LRRTM3: variants seen among roughly 807,000 people sequenced by gnomAD.
LRRTM3 encodes leucine-rich repeat transmembrane neuronal protein 3.
A neutral mutation model predicts 44.7 loss-of-function variants in LRRTM3; 24 were observed. That is an observed-to-expected ratio of 0.54 (90% CI 0.39 to 0.76). The LOEUF (loss-of-function observed/expected upper bound fraction) is 0.76. Among genes scored for constraint, LRRTM3 ranks in the 30% least tolerant of loss-of-function variants. The probability of loss-of-function intolerance (pLI) is 0.00; values close to 1 mark genes in which losing one functional copy is unlikely to be tolerated. For synonymous variants in LRRTM3, 277 were observed against 278.7 expected (o/e 0.99, Z 0.06); for missense variants, 587 against 702.2 (o/e 0.84, Z 1.85).
intron 2 of LRRTM3, chr10:67,054,676 A>G (rs993019369): frequency 1.3e-5 from 2 of 152,094 alleles, no homozygotes; most frequent in African/African-American, 4.8e-5. Flanking sequence ...AAAGTGGGAG[A>G]GGCACTAAGA....
intron 2 of LRRTM3, among the ~76,000 whole-genome samples, chr10:67,074,572 G>A (rs943458392): frequency 1.8e-4 from 27 of 151,734 alleles, no homozygotes; most frequent in East Asian, 5.9e-4. Flanking sequence ...GGATGGTCTC[G>A]ATCTCCTGAC....
chr10:67,000,059 A>G (rs1304025803), intron 2 of LRRTM3, among the ~76,000 whole-genome samples: 1 of 152,214 alleles, frequency 6.6e-6, no homozygotes. Context: ...GCTTTAGTAT[A>G]CATGGAAATG....
At chr10:66,950,036 C>A (rs762982920) in intron 2 of LRRTM3, among the ~76,000 whole-genome samples, 15 of 152,184 alleles carry the variant, frequency 9.9e-5, no homozygotes, top group Non-Finnish European at 2.1e-4. Context: ...TATGCAATTA[C>A]TCTTAATACC....
At chr10:67,037,744 G>T (rs1267402515) in intron 2 of LRRTM3, among the ~76,000 whole-genome samples, 1 of 152,136 alleles carries the variant, frequency 6.6e-6, no homozygotes, top group African/African-American at 2.4e-5. Context: ...AGAGGAGGAG[G>T]AATCAAGAAT....
chr10:67,056,340 TA>T (rs1855427350), intron 2 of LRRTM3, among the ~76,000 whole-genome samples: 1 of 152,194 alleles, frequency 6.6e-6, no homozygotes, highest in African/African-American at 2.4e-5. Context: ...CAGTTACTTC[TA>T]TGCATAATTG....
chr10:67,016,023 GTA>G (rs1852636213), intron 2 of LRRTM3, among the ~76,000 whole-genome samples: 1 of 133,652 alleles, frequency 7.5e-6, no homozygotes, highest in Admixed American at 8.4e-5. Flanking sequence ...TTTTATTGCT[GTA>G]TACTCTCTTC....
intron 2 of LRRTM3, among the ~76,000 whole-genome samples, chr10:67,044,794 C>A (rs1198223638): frequency 6.6e-6 from 1 of 152,160 alleles, no homozygotes; most frequent in Non-Finnish European, 1.5e-5. Context: ...GTGGAAAGAT[C>A]ATGGTCTTTG....
chr10:67,038,118 T>A (rs1251507680), intron 2 of LRRTM3, among the ~76,000 whole-genome samples: 1 of 152,126 alleles, frequency 6.6e-6, no homozygotes, highest in East Asian at 1.9e-4. Context: ...TTTATATGAG[T>A]ATTGTAGAGC....
intron 2 of LRRTM3, 24 bp downstream of exon 2, chr10:66,928,476 A>G (rs1396802336): frequency 1.3e-6 from 2 of 1,549,468 alleles, no homozygotes; most frequent in East Asian, 2.3e-5. Context: ...TGATAAAAAG[A>G]GCTCTTAAAA....
At chr10:66,952,112 A>C (rs771432107) in intron 2 of LRRTM3, among the ~76,000 whole-genome samples, 27 of 152,148 alleles carry the variant, frequency 1.8e-4, no homozygotes, top group Non-Finnish European at 3.8e-4. Context: ...TCCCCCCAAT[A>C]TTTTTAAGCA....
intron 2 of LRRTM3, among the ~76,000 whole-genome samples, chr10:66,985,578 C>T (rs537458073): frequency 9.2e-5 from 14 of 152,158 alleles, no homozygotes; most frequent in South Asian, 2.1e-4. Context: ...GGCAGACCAA[C>T]GACAGAGTCC....
chr10:66,978,552 A>AAAAATGTATAT, intron 2 of LRRTM3, among the ~76,000 whole-genome samples: 1 of 37,866 alleles, frequency 2.6e-5, no homozygotes, highest in Non-Finnish European at 4.8e-5. Context: ...AAAAAAAAAA[A>AAAAATGTATAT]ATATATATAT....
rs375400315 is a variant in LRRTM3, at chr10:66,962,848, T to C, written c.1536+34396T>C. ...TTATCACCATATAATATAGTACTTA[T>C]TTTATTCATTTGTTTATCTGTCTTG... is the stretch of plus-strand genomic sequence containing the variant. On this transcript the variant is annotated intron_variant, in intron 2 of 2. Transcript: ENST00000361320. Among the ~76,000 whole-genome samples the C allele has an allele frequency of 1.6e-4, 25 of 152,324 alleles. No individual in the cohort carries two copies. The South Asian group carries it at 5.0e-3, about 30-fold the overall frequency.
intron 2 of LRRTM3, among the ~76,000 whole-genome samples, chr10:67,085,864 A>G (rs1022870319): frequency 5.3e-5 from 8 of 152,034 alleles, no homozygotes; most frequent in African/African-American, 1.9e-4. Context: ...GTTAATATCA[A>G]TGAAATAACA....
Position 67,100,518 on chromosome 10 carries a change from T to A in LRRTM3, c.*2722T>A, listed in dbSNP as rs1046796104. Among the ~76,000 whole-genome samples the A allele has an allele frequency of 3.4e-4, 52 of 151,858 alleles. No individual in the cohort carries two copies. Among genetic ancestry groups the A allele is most frequent in the African/African-American group, 1.2e-3 (51 of 41,510 alleles). ...TTCAGTTTTTGTCTAAAACTTGCAT[T>A]TCTAACCTATCTTTTCCAGCATTTG... On this transcript the variant is annotated 3_prime_UTR_variant, in exon 3 of 3. Transcript: ENST00000361320.
intron 2 of LRRTM3, among the ~76,000 whole-genome samples, chr10:67,073,906 T>C (rs1856594742): frequency 6.6e-6 from 1 of 152,226 alleles, no homozygotes; most frequent in Non-Finnish European, 1.5e-5. Flanking sequence ...AAATGTTAAG[T>C]AACTTTTGAC....
At chr10:66,932,735 C>T (rs1027251092) in intron 2 of LRRTM3, among the ~76,000 whole-genome samples, 3 of 152,146 alleles carry the variant, frequency 2.0e-5, no homozygotes, top group Non-Finnish European at 2.9e-5. Flanking sequence ...AAAGTCACTG[C>T]TTTCCTAATC....
chr10:66,990,545 T>C (rs1435752091), intron 2 of LRRTM3, among the ~76,000 whole-genome samples: 2 of 152,182 alleles, frequency 1.3e-5, no homozygotes, highest in Non-Finnish European at 2.9e-5. Context: ...CTAGAAATCA[T>C]CTAGTTCTAG....
chr10:66,955,027 T>C (rs1243183994), intron 2 of LRRTM3, among the ~76,000 whole-genome samples: 3 of 152,190 alleles, frequency 2.0e-5, no homozygotes, highest in Admixed American at 6.6e-5. Context: ...CACATTAACA[T>C]ATATAGCATT....
Sources: allele counts gnomAD v4.1 joint callset (sites outside exome capture counted in the v4.1 genomes callset), GRCh38; gene constraint gnomAD v4.1.1; transcripts MANE v1.5; gene names NCBI Gene and HGNC (gene_info 2026-07-23, HGNC 2026-07-21).